The following L3MBTL4 variants were observed in gnomAD, a reference collection of about 807,000 sequenced individuals.
The protein encoded by L3MBTL4 is L3MBTL histone methyl-lysine binding protein 4, also known as lethal(3)malignant brain tumor-like protein 4.
A neutral mutation model predicts 84.5 loss-of-function variants in L3MBTL4; 70 were observed. The observed-to-expected ratio is 0.83, with a 90% CI of 0.68 to 1.01. The LOEUF is 1.01. Ranked by LOEUF, L3MBTL4 falls within the 50% of genes least tolerant of loss-of-function variation. The pLI, the probability that L3MBTL4 is intolerant of heterozygous loss-of-function variation, is 0.00. For synonymous variants in L3MBTL4, 274 were observed against 259.8 expected, an observed-to-expected ratio of 1.05 and a Z score of -0.52; for missense variants, 715 against 754.8, an observed-to-expected ratio of 0.95 and a Z score of 0.62.
At chr18:6,065,225 A>C (rs974897183) in intron 16 of L3MBTL4, among the ~76,000 whole-genome samples, 10 of 151,598 alleles carry the variant, frequency 6.6e-5, no homozygotes, top group Non-Finnish European at 1.2e-4. Context: ...TATTATTATT[A>C]TTTTTTGATG....
Position 6,317,571 on chromosome 18 carries a change from G to A in L3MBTL4, c.-90-5515C>T, listed in dbSNP as rs554869631. ...CAAAAATTTAAAAAATAAATAAGAAGGAATGAACAAACTCTCCAGGGAACT... is the reference window on the plus strand; with the variant it reads ...CAAAAATTTAAAAAATAAATAAGAAAGAATGAACAAACTCTCCAGGGAACT... On this transcript the variant is annotated intron_variant, in intron 1 of 18. Coordinates refer to ENST00000317931, the MANE Select transcript of L3MBTL4 (RefSeq NM_001330559.2). Among the ~76,000 whole-genome samples the A allele has an allele frequency of 4.5e-3, 677 of 152,122 alleles. 1 individual carries two copies. Among genetic ancestry groups the A allele is most frequent in the Non-Finnish European group, 7.0e-3 (477 of 67,980 alleles).
At chr18:6,370,353 A>T (rs1012400992) in intron 1 of L3MBTL4, among the ~76,000 whole-genome samples, 1 of 152,190 alleles carries the variant, frequency 6.6e-6, no homozygotes, top group African/African-American at 2.4e-5. Flanking sequence ...AATTACATAC[A>T]ATCAAATCAG....
At chr18:6,001,635 C>A (rs1472905319) in intron 16 of L3MBTL4, among the ~76,000 whole-genome samples, 1 of 150,094 alleles carries the variant, frequency 6.7e-6, no homozygotes, top group Non-Finnish European at 1.5e-5. Context: ...AAAAAATCAA[C>A]AGAAAAATAA....
intron 1 of L3MBTL4, among the ~76,000 whole-genome samples, chr18:6,356,214 A>G (rs1016019865): frequency 4.6e-5 from 7 of 152,228 alleles, no homozygotes; most frequent in African/African-American, 1.7e-4. Context: ...GCAAGATGAC[A>G]TTTACACTCC....
chr18:6,023,908 G>C (rs1369080334), intron 16 of L3MBTL4, among the ~76,000 whole-genome samples: 2 of 152,192 alleles, frequency 1.3e-5, no homozygotes, highest in Non-Finnish European at 2.9e-5. Flanking sequence ...CAAAATGCCT[G>C]TGCGAATACA....
chr18:6,284,352 C>T (rs1201600407), intron 4 of L3MBTL4, among the ~76,000 whole-genome samples: 1 of 152,194 alleles, frequency 6.6e-6, no homozygotes, highest in Non-Finnish European at 1.5e-5. Flanking sequence ...GGGGCTCTCA[C>T]GGAGCCCACA....
intron 13 of L3MBTL4, among the ~76,000 whole-genome samples, chr18:6,154,977 A>G (rs2043043070): frequency 6.6e-6 from 1 of 152,226 alleles, no homozygotes; most frequent in African/African-American, 2.4e-5. Context: ...GTCAATCTAA[A>G]AAATATAAAC....
At chr18:6,123,467 C>A (rs2059590488) in intron 14 of L3MBTL4, among the ~76,000 whole-genome samples, 1 of 152,060 alleles carries the variant, frequency 6.6e-6, no homozygotes, top group African/African-American at 2.4e-5. Context: ...CTCATGAGAT[C>A]TGATGGTTTT....
chr18:6,045,331 C>G (rs2056568297), intron 16 of L3MBTL4, among the ~76,000 whole-genome samples: 1 of 152,210 alleles, frequency 6.6e-6, no homozygotes, highest in African/African-American at 2.4e-5. Context: ...ATATAAGCAA[C>G]TGCTAAGGAA....
intron 12 of L3MBTL4, among the ~76,000 whole-genome samples, chr18:6,211,155 C>T (rs1485447154): frequency 1.3e-5 from 2 of 152,100 alleles, no homozygotes; most frequent in African/African-American, 2.4e-5. Context: ...CAGTCTTGTC[C>T]GAGGGCATTT....
chr18:6,004,996 AATTTTTT>A (rs1355886327), intron 16 of L3MBTL4, among the ~76,000 whole-genome samples: 1 of 42,020 alleles, frequency 2.4e-5, no homozygotes, highest in African/African-American at 5.6e-5. Context: ...TTAAGATGAT[AATTTTTT>A]TTTTTTTTTT....
At chr18:6,200,163 G>A (rs2045590162) in intron 12 of L3MBTL4, among the ~76,000 whole-genome samples, 1 of 152,232 alleles carries the variant, frequency 6.6e-6, no homozygotes, top group African/African-American at 2.4e-5. Context: ...TCTTCATTTT[G>A]GAATCTTAGG....
chr18:5,985,256 G>A (rs1262561220), intron 16 of L3MBTL4, among the ~76,000 whole-genome samples: 7 of 152,196 alleles, frequency 4.6e-5, no homozygotes, highest in Admixed American at 3.9e-4. Flanking sequence ...GTGGGAAACC[G>A]GAAGGCAGAT....
intron 12 of L3MBTL4, among the ~76,000 whole-genome samples, chr18:6,199,154 T>C (rs528257461): frequency 1.1e-4 from 17 of 152,318 alleles, no homozygotes; most frequent in African/African-American, 4.1e-4. Flanking sequence ...GAATAAACTA[T>C]GGCTAACCCC....
intron 4 of L3MBTL4, among the ~76,000 whole-genome samples, chr18:6,272,077 C>T (rs1048491429): frequency 6.6e-6 from 1 of 152,092 alleles, no homozygotes; most frequent in Non-Finnish European, 1.5e-5. Context: ...TGCTGTTAAG[C>T]GTATCAGGAG....
chr18:6,217,443 T>C (rs1191414430), intron 10 of L3MBTL4, among the ~76,000 whole-genome samples: 2 of 152,220 alleles, frequency 1.3e-5, no homozygotes, highest in African/African-American at 2.4e-5. Flanking sequence ...GTCAGGTGGA[T>C]TATTGCCTTC....
At chr18:6,301,783 T>C in intron 4 of L3MBTL4, 120 bp downstream of exon 4, 2 of 789,926 alleles carry the variant, frequency 2.5e-6, no homozygotes, top group East Asian at 2.6e-5. Flanking sequence ...CCTGAATAAA[T>C]GGTAGATATT....
intron 5 of L3MBTL4, among the ~76,000 whole-genome samples, chr18:6,252,975 G>A (rs556786099): frequency 1.2e-4 from 18 of 152,282 alleles, no homozygotes; most frequent in Admixed American, 7.8e-4. Flanking sequence ...AGGCCGAGGC[G>A]AGCAGATCAT....
chr18:6,030,847 A>G, intron 16 of L3MBTL4: 1 of 985,208 alleles, frequency 1.0e-6, no homozygotes, highest in Non-Finnish European at 1.2e-6. Context: ...CACTAACATG[A>G]AACATACTGA....
Sources: gnomAD v4.1 joint callset for allele counts (sites outside exome capture counted in the v4.1 genomes callset) on GRCh38, gnomAD v4.1.1 for gene constraint, MANE v1.5 for transcripts, NCBI Gene and HGNC (gene_info 2026-07-23, HGNC 2026-07-21) for gene names.